The following FKBP5 variants were observed in gnomAD, a reference collection of about 807,000 sequenced individuals.
FKBP5 encodes the protein peptidyl-prolyl cis-trans isomerase FKBP5.
A neutral mutation model predicts 50.5 loss-of-function variants in FKBP5; 23 were observed. That is an observed-to-expected ratio of 0.46 (90% CI 0.33 to 0.65). FKBP5 has a LOEUF of 0.65. Among genes scored for constraint, FKBP5 ranks in the 30% least tolerant of loss-of-function variants. FKBP5 has a pLI of 0.02. For synonymous variants in FKBP5, 176 were observed against 190.6 expected (o/e 0.92, Z 0.63); for missense variants, 411 against 553.1 (o/e 0.74, Z 2.58).
At chr6:35,584,423 T>A in intron 8 of FKBP5, 1 of 985,378 alleles carries the variant, frequency 1.0e-6, no homozygotes, top group Non-Finnish European at 1.2e-6. Context: ...GAAATACAGA[T>A]CTTTAGTTCA....
chr6:35,580,261 A>AGGG, intron 8 of FKBP5, 40 bp from the exon 9 acceptor site: 1 of 1,516,500 alleles, frequency 6.6e-7, no homozygotes, highest in Non-Finnish European at 9.0e-7. Flanking sequence ...TCAGCTCTTG[A>AGGG]GGGGGTACAA....
In FKBP5 at chr6:35,660,992, T is replaced by C. The variant is rs1455313904; in HGVS notation, c.-19-18149A>G. ...AGACAGAAAGGAGACTGGTGGTTGC[T>C]TAGGGTTAGGGGAAACAGGAGGAAA... On this transcript the variant is annotated intron_variant, in intron 1 of 10. Coordinates refer to ENST00000357266, the MANE Select transcript of FKBP5 (RefSeq NM_004117.4). Among the ~76,000 whole-genome samples, 2 of 83,668 alleles carry C rather than the reference T, an allele frequency of 2.4e-5. 1 individual carries two copies. The highest frequency in any genetic ancestry group is 7.4e-5 in the African/African-American group (2 of 27,028). 54.9% of individuals were successfully genotyped at this position (83,668 alleles called of 152,430 possible).
intron 3 of FKBP5, among the ~76,000 whole-genome samples, chr6:35,629,823 GA>G (rs1269055336): frequency 3.3e-5 from 5 of 152,150 alleles, no homozygotes; most frequent in African/African-American, 1.2e-4. Context: ...AAAGTACCAG[GA>G]AAAACCAAAG....
chr6:35,601,464 C>T lies in FKBP5; in HGVS notation c.509-4060G>A, dbSNP rs535107314. Among the ~76,000 whole-genome samples, 56 of 152,260 alleles carry T rather than the reference C, an allele frequency of 3.7e-4. 1 individual carries two copies. The highest frequency in any genetic ancestry group is 9.1e-4 in the African/African-American group (38 of 41,552). On this transcript the variant is annotated intron_variant, in intron 5 of 10. Transcript: ENST00000357266. ...AGAACTCACACACCACTTGGAGCCA[C>T]GGAAAGACTGCTGATTGCCACAGTA...
In FKBP5 at chr6:35,721,396, C is replaced by A. The variant is rs533642202; in HGVS notation, c.-240-848G>T. On this transcript the variant is annotated intron_variant, in intron 1 of 11. Coordinates refer to the FKBP5 transcript ENST00000536438. ...TTTGACCATTCTAGATAATTTAGGA[C>A]ACATGGTTGCTGAACTTGATTTTTT... 2.1e-3 allele frequency among the ~76,000 whole-genome samples: 322 copies of A among 151,636 alleles called. 1 individual carries two copies. Among genetic ancestry groups the A allele is most frequent in the African/African-American group, 7.6e-3 (316 of 41,364 alleles).
chr6:35,677,754 C>T (rs1765564911), intron 1 of FKBP5, among the ~76,000 whole-genome samples: 1 of 151,988 alleles, frequency 6.6e-6, no homozygotes, highest in Non-Finnish European at 1.5e-5. Context: ...AATGATGTGT[C>T]TGCCTAAAGG....
At chr6:35,616,376 C>T (rs1198053582) in intron 5 of FKBP5, among the ~76,000 whole-genome samples, 2 of 147,548 alleles carry the variant, frequency 1.4e-5, no homozygotes, top group Non-Finnish European at 3.0e-5. Context: ...TGATCTTAGA[C>T]CAGAAAACGA....
At chr6:35,669,198 G>C (rs1267599084) in intron 1 of FKBP5, among the ~76,000 whole-genome samples, 1 of 152,118 alleles carries the variant, frequency 6.6e-6, no homozygotes, top group Non-Finnish European at 1.5e-5. Flanking sequence ...CTGTAAAACA[G>C]GGACCTCCTC....
At chr6:35,677,058 AT>A (rs1470763760) in intron 1 of FKBP5, among the ~76,000 whole-genome samples, 5 of 151,984 alleles carry the variant, frequency 3.3e-5, no homozygotes, top group Admixed American at 6.6e-5. Context: ...GCGAAGGTGG[AT>A]TTTTGTTTTG....
intron 1 of FKBP5, among the ~76,000 whole-genome samples, chr6:35,722,095 C>A (rs1262842273): frequency 6.6e-6 from 1 of 152,136 alleles, no homozygotes; most frequent in Non-Finnish European, 1.5e-5. Flanking sequence ...TCAGCAGACC[C>A]CCCATCACAC....
chr6:35,585,022 C>T, intron 8 of FKBP5: 3 of 985,390 alleles, frequency 3.0e-6, no homozygotes, highest in Non-Finnish European at 3.6e-6. Flanking sequence ...GGCTTCATAA[C>T]ATTATTTCAT....
chr6:35,585,815 C>T (rs1239269506), intron 8 of FKBP5: 2 of 985,238 alleles, frequency 2.0e-6, no homozygotes, highest in African/African-American at 3.5e-5. Flanking sequence ...GATTTCATGA[C>T]CCAATATTGT....
intron 2 of FKBP5, among the ~76,000 whole-genome samples, chr6:35,713,702 A>C (rs1766457934): frequency 6.6e-6 from 1 of 152,162 alleles, no homozygotes; most frequent in South Asian, 2.1e-4. Flanking sequence ...CTCAATTTGC[A>C]TAAAGGGTAG....
At chr6:35,582,209 C>T in intron 8 of FKBP5, 1 of 985,384 alleles carries the variant, frequency 1.0e-6, no homozygotes, top group Non-Finnish European at 1.2e-6. Context: ...CCCTCTCTGC[C>T]TCAGAAGTGT....
intron 5 of FKBP5, among the ~76,000 whole-genome samples, chr6:35,603,638 ATT>A (rs34364427): frequency 0.029 from 4,304 of 146,426 alleles, 182 homozygotes; most frequent in African/African-American, 0.098. Flanking sequence ...ATTGGCTGGA[ATT>A]TTTTTTTTTT....
intron 5 of FKBP5, among the ~76,000 whole-genome samples, chr6:35,610,427 G>A (rs1763454790): frequency 6.6e-6 from 1 of 151,684 alleles, no homozygotes; most frequent in Non-Finnish European, 1.5e-5. Flanking sequence ...AATCAGCTGG[G>A]CGTGGTGGCA....
intron 2 of FKBP5, among the ~76,000 whole-genome samples, chr6:35,715,827 A>G (rs1766502368): frequency 6.6e-6 from 1 of 152,202 alleles, no homozygotes; most frequent in African/African-American, 2.4e-5. Flanking sequence ...TCTGGCATCC[A>G]TGTGGAGGAT....
chr6:35,619,717 A>G (rs1438909045), intron 4 of FKBP5, among the ~76,000 whole-genome samples: 2 of 152,236 alleles, frequency 1.3e-5, no homozygotes, highest in Non-Finnish European at 2.9e-5. Context: ...TTTTATCACC[A>G]CCAACGGCTT....
chr6:35,587,774 C>T (rs1257854767), intron 7 of FKBP5, among the ~76,000 whole-genome samples: 2 of 152,148 alleles, frequency 1.3e-5, no homozygotes, highest in Admixed American at 6.6e-5. Context: ...TGTATTATTA[C>T]TTCCACCATT....
Sources: allele counts gnomAD v4.1 joint callset (sites outside exome capture counted in the v4.1 genomes callset), GRCh38; gene constraint gnomAD v4.1.1; transcripts MANE v1.5; gene names NCBI Gene and HGNC (gene_info 2026-07-23, HGNC 2026-07-21).